The following INTS3 variants were observed in gnomAD, a reference collection of about 807,000 sequenced individuals.
INTS3 encodes SOSS complex subunit A.
INTS3 carries 34 observed loss-of-function variants against 146.3 expected under a neutral mutation model. The observed-to-expected ratio is 0.23, with a 90% confidence interval of 0.18 to 0.31. The LOEUF is 0.31. INTS3 is among the 10% of genes least tolerant of loss of function. INTS3 has a pLI of 1.00. For missense variants in INTS3, 757 were observed against 1,304.2 expected, an observed-to-expected ratio of 0.58 and a Z score of 6.46; for synonymous variants, 475 against 494.9, an observed-to-expected ratio of 0.96 and a Z score of 0.53.
At chr1:153,748,494 T>G in intron 5 of INTS3, 195 bp from the exon 6 acceptor site, 1 of 651,086 alleles carries the variant, frequency 1.5e-6, no homozygotes, top group South Asian at 1.8e-5. Flanking sequence ...ATTCAGAACC[T>G]TCCCTTTCCT....
rs1334112816 is a variant in INTS3 at position 153,761,554 on chromosome 1, C to T, written c.1410-16C>T. 1 of 1,556,146 alleles carries T rather than the reference C, an allele frequency of 6.4e-7. No homozygotes were observed. The highest frequency in any genetic ancestry group is 1.1e-5 in the South Asian group (1 of 89,242). Reference sequence around the variant, plus strand: ...GAGAAGCTCTGATATTGACCTTCATCATGTTCCCCATTTAGACACCTAGCT... The same window carrying T: ...GAGAAGCTCTGATATTGACCTTCATTATGTTCCCCATTTAGACACCTAGCT... On this transcript the variant is annotated splice_polypyrimidine_tract_variant and intron_variant, in intron 13 of 29. Transcript: ENST00000318967.
chr1:153,774,749 T>A lies in INTS3; in HGVS notation c.*1479T>A, dbSNP rs2101838679. 1 of 231,500 alleles carries A rather than the reference T, an allele frequency of 4.3e-6. No individual in the cohort carries two copies. Among genetic ancestry groups the A allele is most frequent in the Middle Eastern group, 1.6e-3 (1 of 612 alleles). The allele number at this position is 231,500 out of a possible 1,614,324, so 14.3% of individuals were successfully genotyped here. A position where few individuals can be genotyped will look rare whatever the true frequency, so the allele number is the denominator to read the frequency against. On this transcript the variant is annotated 3_prime_UTR_variant, in exon 30 of 30. Transcript: ENST00000318967. ...AAGTCTAAACCACTGGAGGCTTCTT[T>A]TTCCTTCCTCTCTCCTTCCCCAGTT...
intron 1 of INTS3, among the ~76,000 whole-genome samples, chr1:153,737,288 A>G (rs1334006362): frequency 6.6e-6 from 1 of 152,140 alleles, no homozygotes; most frequent in African/African-American, 2.4e-5. Context: ...TTTTAAAAGG[A>G]CTCAGGAAAT....
At chr1:153,771,672 A>G in intron 25 of INTS3, 124 bp from the exon 26 acceptor site, 12 of 872,286 alleles carry the variant, frequency 1.4e-5, no homozygotes, top group Non-Finnish European at 2.0e-5. Context: ...TAAGGAGAAG[A>G]GGGAGAGGGA....
intron 5 of INTS3, 145 bp from the exon 6 acceptor site, chr1:153,748,544 G>A: frequency 1.3e-6 from 1 of 746,146 alleles, no homozygotes; most frequent in Non-Finnish European, 2.5e-6. Context: ...AAGCCTGACA[G>A]AACAGAAGGC....
At position 153,770,711 on chromosome 1, in the gene INTS3, C is replaced by T; in HGVS notation, c.2530C>T (p.Leu844=). ...GCACCCAGAGGCCCTGTCCTGCCTA[C>T]TGCTTCAACTCCGAAGAGAAAAGTG... ...KEHPEALSCL[L]LQLRREKPSE... is the part of the protein sequence containing the mutation. The change falls in exon 25 of 30, where the codon CTG becomes TTG. Residue 844 remains leucine (L), a synonymous_variant. Transcript: ENST00000318967. 1 of 1,613,948 alleles carries T rather than the reference C, an allele frequency of 6.2e-7. No homozygotes were observed.
rs1672381163 is a variant in INTS3, at chr1:153,761,508, C to G, written c.1410-62C>G. The G allele has an allele frequency of 3.2e-6, 4 of 1,246,244 alleles. No individual in the cohort carries two copies. The East Asian group carries it at 9.3e-5, about 29-fold the overall frequency. The allele number at this position is 1,246,244 out of a possible 1,614,324, so 77.2% of individuals were successfully genotyped here. On this transcript the variant is annotated intron_variant, in intron 13 of 29. Coordinates refer to ENST00000318967, the MANE Select transcript of INTS3 (RefSeq NM_023015.5). ...CTAGGTGATGAGAGTGACACTCTGT[C>G]TCAAAAAAAAATAAAAATAAGAGAA...
At chr1:153,766,115 CTTTTTTTTT>C (rs542483679) in intron 20 of INTS3, among the ~76,000 whole-genome samples, 1 of 84,650 alleles carries the variant, frequency 1.2e-5, no homozygotes, top group Non-Finnish European at 2.1e-5. Context: ...TTTTCTTTCT[CTTTTTTTTT>C]TTTTTTTTTT....
intron 1 of INTS3, among the ~76,000 whole-genome samples, chr1:153,739,481 T>TA (rs1397493029): frequency 4.6e-5 from 7 of 151,948 alleles, no homozygotes; most frequent in Admixed American, 2.0e-4. Flanking sequence ...TAGCTGGAAT[T>TA]ACAGACATGT....
intron 5 of INTS3, 97 bp from the exon 6 acceptor site, chr1:153,748,592 T>TG (rs1176322633): frequency 1.1e-6 from 1 of 937,224 alleles, no homozygotes; most frequent in East Asian, 2.4e-5. Flanking sequence ...AGTAATGGGA[T>TG]GGCAGTCAGG....
intron 16 of INTS3, 67 bp from the exon 17 acceptor site, chr1:153,763,765 T>C (rs966319031): frequency 3.0e-6 from 4 of 1,340,264 alleles, no homozygotes; most frequent in Non-Finnish European, 4.3e-6. Context: ...TGCACTGTTC[T>C]GGGTGTGTGT....
chr1:153,732,167 T>C lies in INTS3; in HGVS notation c.150+3383T>C, dbSNP rs182066955. On this transcript the variant is annotated intron_variant, in intron 1 of 29. Transcript: ENST00000318967. ...ATCCACCTGCCTTGGCCTTCCAAATTGCTGGGATTACAGGCATGAGCCACC... is the reference window on the plus strand; with the variant it reads ...ATCCACCTGCCTTGGCCTTCCAAATCGCTGGGATTACAGGCATGAGCCACC... Among the ~76,000 whole-genome samples, 283 of 152,112 alleles carry C rather than the reference T, an allele frequency of 1.9e-3. 1 individual carries two copies. Among genetic ancestry groups the C allele is most frequent in the African/African-American group, 6.5e-3 (268 of 41,494 alleles).
At chr1:153,731,680 G>C (rs372436980) in intron 1 of INTS3, among the ~76,000 whole-genome samples, 1 of 148,204 alleles carries the variant, frequency 6.7e-6, no homozygotes, top group African/African-American at 2.5e-5. Context: ...CTGCCTCCCG[G>C]GTTCACACCA....
intron 10 of INTS3, 147 bp from the exon 11 acceptor site, chr1:153,759,379 G>T (rs1672290163): frequency 1.4e-6 from 1 of 698,248 alleles, no homozygotes; most frequent in Non-Finnish European, 2.6e-6. Context: ...CACAACACAA[G>T]GGGGGTTAGC....
chr1:153,746,378 GC>G (rs1321927118), intron 3 of INTS3, among the ~76,000 whole-genome samples: 1 of 152,176 alleles, frequency 6.6e-6, no homozygotes, highest in Non-Finnish European at 1.5e-5. Context: ...TAGGAGCCTT[GC>G]CCAGCAGGCT....
In INTS3 at chr1:153,773,380, C is replaced by A; in HGVS notation, c.*110C>A. 4 of 1,023,436 alleles carry A rather than the reference C, an allele frequency of 3.9e-6. No homozygotes were observed. The South Asian group carries it at 5.2e-5, about 13-fold the overall frequency. 63.4% of individuals were successfully genotyped at this position (1,023,436 alleles called of 1,614,324 possible). A position where few individuals can be genotyped will look rare whatever the true frequency, so the allele number is the denominator to read the frequency against. Reference sequence around the variant, plus strand: ...CAGGGGAAACACCCTTGCTGCATCCCCAAGCTCCCCCGGTGGAAGGAGGAG... The same window carrying A: ...CAGGGGAAACACCCTTGCTGCATCCACAAGCTCCCCCGGTGGAAGGAGGAG... On this transcript the variant is annotated 3_prime_UTR_variant, in exon 30 of 30. Transcript: ENST00000318967.
intron 19 of INTS3, 48 bp downstream of exon 19, chr1:153,764,782 GA>G: frequency 6.5e-7 from 1 of 1,539,528 alleles, no homozygotes; most frequent in Non-Finnish European, 9.0e-7. Context: ...CATCCTCCCT[GA>G]CAGCACACAC....
Position 153,772,634 on chromosome 1 carries a change from T to C in INTS3, c.2822-5T>C. The stretch of plus-strand genomic sequence containing the variant: ...CCTTCCCTGCTCTCCCTTTTCTTCC[T>C]CTAGTTTTTAGCCAGACGCCAATTC... On this transcript the variant is annotated splice_polypyrimidine_tract_variant and splice_region_variant and intron_variant, in intron 27 of 29. Transcript: ENST00000318967. The surrounding 1 kb of genome is among the most constrained non-coding windows in gnomAD (Gnocchi z 4.6). 2 of 1,614,156 alleles carry C rather than the reference T, an allele frequency of 1.2e-6. No individual in the cohort carries two copies. Among genetic ancestry groups the C allele is most frequent in the Non-Finnish European group, 1.7e-6 (2 of 1,180,028 alleles).
At chr1:153,765,486 C>T (rs1023660159) in intron 20 of INTS3, among the ~76,000 whole-genome samples, 6 of 152,114 alleles carry the variant, frequency 3.9e-5, no homozygotes, top group African/African-American at 9.7e-5. Flanking sequence ...TGCGCCATCA[C>T]GCCCAGTTAT....
Sources: allele counts gnomAD v4.1 joint callset (sites outside exome capture counted in the v4.1 genomes callset), GRCh38; gene constraint gnomAD v4.1.1; non-coding constraint Gnocchi (gnomAD v3.1); transcripts MANE v1.5; gene names NCBI Gene and HGNC (gene_info 2026-07-23, HGNC 2026-07-21).